The following PDE7B variants were observed in gnomAD, a reference collection of about 807,000 sequenced individuals.
PDE7B encodes the protein 3',5'-cyclic-AMP phosphodiesterase 7B.
PDE7B carries 29 observed loss-of-function variants against 56.2 expected under a neutral mutation model. That is an observed-to-expected ratio of 0.52 (90% CI 0.38 to 0.70). The LOEUF (loss-of-function observed/expected upper bound fraction) is 0.70, where lower values mean the gene tolerates loss of function less well. Among genes scored for constraint, PDE7B ranks in the 30% least tolerant of loss-of-function variants. The probability of loss-of-function intolerance (pLI) is 0.00; values close to 1 mark genes in which losing one functional copy is unlikely to be tolerated. For synonymous variants in PDE7B, 197 were observed against 196.9 expected, an observed-to-expected ratio of 1.00 and a Z score of 0.00; for missense variants, 490 against 565.0, an observed-to-expected ratio of 0.87 and a Z score of 1.35.
At chr6:136,069,682 TAC>T (rs1487656003) in intron 2 of PDE7B, among the ~76,000 whole-genome samples, 1 of 152,198 alleles carries the variant, frequency 6.6e-6, no homozygotes, top group Non-Finnish European at 1.5e-5. Flanking sequence ...TTCTATAATA[TAC>T]AGTTATAAAG....
chr6:136,004,468 C>T (rs1364216055), intron 2 of PDE7B, among the ~76,000 whole-genome samples: 4 of 152,108 alleles, frequency 2.6e-5, no homozygotes, highest in East Asian at 1.9e-4. Context: ...TGTCTCAGCT[C>T]GAAATCTCCT....
At chr6:136,070,196 TAAACTC>T (rs1184259290) in intron 2 of PDE7B, 1 of 151,780 alleles carries the variant, frequency 6.6e-6, no homozygotes, top group East Asian at 1.9e-4. Context: ...AACAGCTACT[TAAACTC>T]AAAACCAGTT....
chr6:136,083,452 G>A (rs77338789), intron 2 of PDE7B, among the ~76,000 whole-genome samples: 2,003 of 152,200 alleles, frequency 0.013, 39 homozygotes, highest in African/African-American at 0.046. Context: ...AGGGTGAATT[G>A]GGGCATTTTC....
At chr6:135,862,330 T>G (rs1446714002) in intron 1 of PDE7B, among the ~76,000 whole-genome samples, 1 of 151,850 alleles carries the variant, frequency 6.6e-6, no homozygotes, top group Non-Finnish European at 1.5e-5. Flanking sequence ...TATAGGTGAT[T>G]GATTTTATAA....
intron 2 of PDE7B, among the ~76,000 whole-genome samples, chr6:135,966,196 G>A (rs898309907): frequency 2.9e-4 from 44 of 152,220 alleles, no homozygotes; most frequent in African/African-American, 1.0e-3. Context: ...TGGCAATCTC[G>A]TCCTTAGAAA....
At chr6:136,156,919 A>C (rs1324371259) in intron 8 of PDE7B, among the ~76,000 whole-genome samples, 2 of 152,212 alleles carry the variant, frequency 1.3e-5, no homozygotes, top group African/African-American at 4.8e-5. Context: ...TCTTTTAAAA[A>C]GTTCAGTTCA....
At chr6:136,055,027 A>C (rs539466852) in intron 2 of PDE7B, among the ~76,000 whole-genome samples, 4 of 152,198 alleles carry the variant, frequency 2.6e-5, no homozygotes, top group Non-Finnish European at 5.9e-5. Context: ...GAGCCAAACC[A>C]TATCACTGTG....
intron 1 of PDE7B, among the ~76,000 whole-genome samples, chr6:135,873,517 T>G (rs1029281585): frequency 6.6e-6 from 1 of 152,148 alleles, no homozygotes; most frequent in African/African-American, 2.4e-5. Context: ...ATGATGTAGT[T>G]CTGGTAGTTT....
chr6:136,121,941 C>T (rs566063964), intron 3 of PDE7B, among the ~76,000 whole-genome samples: 38 of 152,102 alleles, frequency 2.5e-4, no homozygotes, highest in African/African-American at 9.2e-4. Context: ...GAAACCCTTA[C>T]TAAATGTTAA....
intron 1 of PDE7B, among the ~76,000 whole-genome samples, chr6:135,899,791 C>T (rs1775967452): frequency 3.3e-5 from 5 of 152,056 alleles, no homozygotes; most frequent in Admixed American, 3.3e-4. Context: ...TTTAAAGAAA[C>T]ACCCATGGGT....
chr6:136,103,098 C>T (rs946199907), intron 2 of PDE7B, among the ~76,000 whole-genome samples: 2 of 152,270 alleles, frequency 1.3e-5, no homozygotes, highest in East Asian at 1.9e-4. Flanking sequence ...ACATACAAAG[C>T]TCTCTCACCG....
Position 135,913,298 on chromosome 6 carries a change from C to T in PDE7B, c.22-34166C>T, listed in dbSNP as rs146591432. On this transcript the variant is annotated intron_variant, in intron 1 of 12. Transcript: ENST00000308191. ...TGTCTGGATTTTAACTCAGGCCATT[C>T]CAGTCCAGGGCCTGTGCTGCTAACC... is the stretch of plus-strand genomic sequence containing the variant. Among the ~76,000 whole-genome samples the T allele has an allele frequency of 2.0e-3, 306 of 152,312 alleles. 3 individuals are homozygous for T. The East Asian group carries it at 0.029, about 14-fold the overall frequency.
chr6:135,852,214 A>G (rs534323560), intron 1 of PDE7B, among the ~76,000 whole-genome samples, 195 bp downstream of exon 1: 6 of 152,182 alleles, frequency 3.9e-5, no homozygotes, highest in Admixed American at 3.9e-4. Flanking sequence ...CTTACCCTGA[A>G]TTAACCGTTT....
chr6:136,085,323 AATATAT>A (rs150204098), intron 2 of PDE7B, among the ~76,000 whole-genome samples: 2 of 152,152 alleles, frequency 1.3e-5, no homozygotes, highest in African/African-American at 2.4e-5. Flanking sequence ...GGCAGGGGAA[AATATAT>A]ATATATGTTT....
intron 2 of PDE7B, among the ~76,000 whole-genome samples, chr6:135,994,828 GCT>G (rs1775536708): frequency 6.6e-6 from 1 of 152,110 alleles, no homozygotes; most frequent in African/African-American, 2.4e-5. Context: ...ATGTACTAAA[GCT>G]CTCATTTTAA....
intron 2 of PDE7B, among the ~76,000 whole-genome samples, chr6:136,022,774 T>G (rs1776093433): frequency 6.6e-6 from 1 of 152,186 alleles, no homozygotes; most frequent in Non-Finnish European, 1.5e-5. Context: ...ACAGCAGCTG[T>G]TTGTGTCTGT....
chr6:135,928,465 T>TTTATTTATATATATA (rs1774231483), intron 1 of PDE7B, among the ~76,000 whole-genome samples: 4 of 75,570 alleles, frequency 5.3e-5, no homozygotes, highest in African/African-American at 1.6e-4. Context: ...ATATATATAT[T>TTTATTTATATATATA]TATTTATATA....
In PDE7B at chr6:135,964,098, G is replaced by T. The variant is rs543829725; in HGVS notation, c.82+16574G>T. The stretch of plus-strand genomic sequence containing the variant: ...TTTTAACATAAAAAGCTTTTTCTGG[G>T]TTTTTTTTTTCTTTTATTTTTTTTG... On this transcript the variant is annotated intron_variant, in intron 2 of 12. Coordinates refer to ENST00000308191, the MANE Select transcript of PDE7B (RefSeq NM_018945.4). Among the ~76,000 whole-genome samples the T allele has an allele frequency of 2.2e-3, 333 of 148,686 alleles. 2 individuals are homozygous for T. The highest frequency in any genetic ancestry group is 6.9e-3 in the Middle Eastern group (2 of 290).
chr6:136,119,172 A>T (rs1777887714), intron 3 of PDE7B, among the ~76,000 whole-genome samples: 1 of 152,234 alleles, frequency 6.6e-6, no homozygotes, highest in Non-Finnish European at 1.5e-5. Context: ...GCAAACCATG[A>T]ATCGCTGAAA....
Sources: allele counts gnomAD v4.1 joint callset (sites outside exome capture counted in the v4.1 genomes callset), GRCh38; gene constraint gnomAD v4.1.1; transcripts MANE v1.5; gene names NCBI Gene and HGNC (gene_info 2026-07-23, HGNC 2026-07-21).